PER3: variants seen among roughly 807,000 people sequenced by gnomAD.
PER3 encodes the protein period circadian protein homolog 3.
In PER3, 107 loss-of-function variants were observed where a neutral mutation model predicts 127.2. The observed-to-expected ratio is 0.84, with a 90% CI of 0.72 to 0.99. The LOEUF is 0.99. Ranked by LOEUF, PER3 falls within the 50% of genes least tolerant of loss-of-function variation. The probability of loss-of-function intolerance (pLI) is 0.00; values close to 1 mark genes in which losing one functional copy is unlikely to be tolerated. For synonymous variants in PER3, 618 were observed against 585.8 expected, an observed-to-expected ratio of 1.05 and a Z score of -0.79; for missense variants, 1,560 against 1,525.8, an observed-to-expected ratio of 1.02 and a Z score of -0.37.
chr1:7,788,354 G>A (rs2097101919), intron 5 of PER3, 108 bp downstream of exon 5: 1 of 767,994 alleles, frequency 1.3e-6, no homozygotes, highest in African/African-American at 1.8e-5. Flanking sequence ...CACACTATCT[G>A]GTTTTTCTTA....
At chr1:7,793,936 A>C in intron 5 of PER3, 21 bp from the exon 6 acceptor site, 1 of 1,608,362 alleles carries the variant, frequency 6.2e-7, no homozygotes, top group Non-Finnish European at 8.5e-7. Flanking sequence ...GGAGTGACTG[A>C]CCAGGCATCT....
At chr1:7,819,167 A>G (rs770541634) in intron 13 of PER3, 118 bp from the exon 14 acceptor site, 12 of 779,596 alleles carry the variant, frequency 1.5e-5, no homozygotes, top group African/African-American at 3.5e-5. Flanking sequence ...TAATAGCCGC[A>G]TGATATTCTG....
intron 5 of PER3, among the ~76,000 whole-genome samples, chr1:7,788,788 C>A (rs543226233): frequency 1.3e-5 from 2 of 152,124 alleles, no homozygotes; most frequent in African/African-American, 4.8e-5. Flanking sequence ...CCTGTAATCC[C>A]AGCTACTCAG....
Position 7,819,268 on chromosome 1 carries a change from C to G in PER3, c.1523-17C>G. 1 of 1,608,810 alleles carries G rather than the reference C, an allele frequency of 6.2e-7. No homozygotes were observed. The highest frequency in any genetic ancestry group is 8.5e-7 in the Non-Finnish European group (1 of 1,176,714). On this transcript the variant is annotated splice_polypyrimidine_tract_variant and intron_variant, in intron 13 of 21. Transcript: ENST00000377532. ...TGCTGGGTACTTTTAATTGCACATC[C>G]CTTTATTCTGTTTCAGGTGAATGTA...
Position 7,844,069 on chromosome 1 carries a change from G to T in PER3, c.*1314G>T, listed in dbSNP as rs569385726. 45 of 765,404 alleles carry T rather than the reference G, an allele frequency of 5.9e-5. No individual in the cohort carries two copies. In the African/African-American group the frequency reaches 8.2e-4, roughly 14 times the overall value. 47.4% of individuals were successfully genotyped at this position (765,404 alleles called of 1,614,324 possible). A position where few individuals can be genotyped will look rare whatever the true frequency, so the allele number is the denominator to read the frequency against. ...CTTTTTTTGTTTTTGGTTTTTTATG[G>T]TTTTTTAAGGAAAATACTTTTCTCC... On this transcript the variant is annotated 3_prime_UTR_variant, in exon 22 of 22. Coordinates refer to ENST00000377532, the MANE Select transcript of PER3 (RefSeq NM_001377275.1).
At chr1:7,802,326 G>A (rs1410238616) in intron 8 of PER3, among the ~76,000 whole-genome samples, 1 of 151,932 alleles carries the variant, frequency 6.6e-6, no homozygotes, top group Admixed American at 6.6e-5. Context: ...GCAGTGGTGC[G>A]GTCTTGGCTC....
rs35962033 is a variant in PER3, at chr1:7,812,624, C to CAAAAAAAAAAA, written c.1522+2051_1522+2061dup. Among the ~76,000 whole-genome samples, 291 of 85,394 alleles carry CAAAAAAAAAAA rather than the reference C, an allele frequency of 3.4e-3. 7 individuals carry two copies. The highest frequency in any genetic ancestry group is 0.015 in the African/African-American group (282 of 19,090). The allele number at this position is 85,394 out of a possible 152,430, so 56.0% of individuals were successfully genotyped here. A position where few individuals can be genotyped will look rare whatever the true frequency, so the allele number is the denominator to read the frequency against. ...TGGGCAACAGAGCAAGACTCCGTCT[C>CAAAAAAAAAAA]AAAAAAAAAAAAAAAAAAAAAAAAA... On this transcript the variant is annotated intron_variant, in intron 13 of 21. Transcript: ENST00000377532.
chr1:7,794,444 G>A (rs1047093635), intron 6 of PER3, among the ~76,000 whole-genome samples: 1 of 152,124 alleles, frequency 6.6e-6, no homozygotes, highest in Admixed American at 6.6e-5. Context: ...AGTGAGCTGA[G>A]ATGGCGCCAT....
At chr1:7,807,521 A>T (rs1240603762) in intron 10 of PER3, among the ~76,000 whole-genome samples, 1 of 152,168 alleles carries the variant, frequency 6.6e-6, no homozygotes, top group African/African-American at 2.4e-5. Context: ...AGGCTGGCAT[A>T]ATGGAAAAAG....
chr1:7,829,701 C>A, intron 18 of PER3, 133 bp from the exon 19 acceptor site: 1 of 690,890 alleles, frequency 1.4e-6, no homozygotes, highest in Non-Finnish European at 2.4e-6. Flanking sequence ...TGGAATTTTC[C>A]ATTTACTATT....
At chr1:7,807,568 CA>C (rs2150794013) in intron 10 of PER3, among the ~76,000 whole-genome samples, 1 of 152,318 alleles carries the variant, frequency 6.6e-6, no homozygotes, top group South Asian at 2.1e-4. Context: ...TAGGCGGATT[CA>C]AATCCTAACT....
intron 21 of PER3, among the ~76,000 whole-genome samples, chr1:7,842,407 A>G (rs138944894): frequency 0.014 from 2,071 of 152,014 alleles, 49 homozygotes; most frequent in African/African-American, 0.047. Flanking sequence ...GGCTGAGGCA[A>G]GAGAATCGCT....
At position 7,837,100 on chromosome 1, in the gene PER3, T is replaced by G. The variant is rs1177859606; in HGVS notation, c.3500T>G (p.Val1167Gly). 2 of 1,613,804 alleles carry G rather than the reference T, an allele frequency of 1.2e-6. No homozygotes were observed. Among genetic ancestry groups the G allele is most frequent in the East Asian group, 4.5e-5 (2 of 44,874 alleles). ...GGGCAAAAGGAGGAGCTGGCTAAGG[T>G]GTATAATTGGATTCAAAGCCAGACT... ...SHGQKEELAKVYNWIQSQTVT... is the reference protein window; with the variant it reads ...SHGQKEELAKGYNWIQSQTVT... Residue 1167 changes from valine (V) to glycine (G), a missense_variant, in exon 21 of 22, where the codon GTG becomes GGG. Physicochemically the swap from Val to Gly is moderately radical, Grantham distance 109. Coordinates refer to ENST00000377532, the MANE Select transcript of PER3 (RefSeq NM_001377275.1).
chr1:7,827,764 C>A lies in PER3; in HGVS notation c.2835C>A (p.Pro945=). ...TACTTCAGGAAGAGATGCCCAGACC[C>A]TCTGAATCTCCAGATCAGATGAGAA... ...LNLLQEEMPR[P]SESPDQMRRN... Residue 945 remains proline, a synonymous_variant, in exon 18 of 22, where the codon CCC becomes CCA. Coordinates refer to ENST00000377532, the MANE Select transcript of PER3 (RefSeq NM_001377275.1). The A allele has an allele frequency of 1.2e-6, 2 of 1,614,036 alleles. No individual in the cohort carries two copies. The highest frequency in any genetic ancestry group is 1.3e-5 in the African/African-American group (1 of 75,050).
intron 18 of PER3, 29 bp from the exon 19 acceptor site, chr1:7,829,805 G>C: frequency 6.4e-7 from 1 of 1,551,478 alleles, no homozygotes; most frequent in Non-Finnish European, 8.9e-7. Flanking sequence ...GAAGATTAAA[G>C]TGTCTTTTCA....
intron 16 of PER3, among the ~76,000 whole-genome samples, chr1:7,821,232 C>T (rs1472093274): frequency 1.3e-5 from 2 of 152,314 alleles, no homozygotes; most frequent in Non-Finnish European, 1.5e-5. Flanking sequence ...GTGACAAATA[C>T]GTTAAATTGG....
At chr1:7,792,306 T>TATCA (rs368646357) in intron 5 of PER3, among the ~76,000 whole-genome samples, 21 of 152,084 alleles carry the variant, frequency 1.4e-4, no homozygotes, top group African/African-American at 4.8e-4. Context: ...GAGAACTCAC[T>TATCA]ATCACGAGAA....
intron 10 of PER3, among the ~76,000 whole-genome samples, chr1:7,806,837 T>A (rs1352682467): frequency 9.0e-5 from 8 of 88,664 alleles, no homozygotes; most frequent in South Asian, 4.4e-4. Context: ...ATATATATAT[T>A]ACATACACAC....
In PER3 at chr1:7,832,366, C is replaced by CT. The variant is rs33933452; in HGVS notation, c.3214+2226dup. ...GTTTTTTATTTTATTGATTTATGCT[C>CT]TTTTTTTTTTTTTTTTTTTTTCCCT... On this transcript the variant is annotated intron_variant, in intron 19 of 21. Transcript: ENST00000377532. 2.0e-3 allele frequency among the ~76,000 whole-genome samples: 169 copies of CT among 85,832 alleles called. 1 individual carries two copies. The highest frequency in any genetic ancestry group is 9.4e-3 in the Middle Eastern group (1 of 106). 56.3% of individuals were successfully genotyped at this position (85,832 alleles called of 152,430 possible).
Sources: gnomAD v4.1 joint callset for allele counts (sites outside exome capture counted in the v4.1 genomes callset) on GRCh38, gnomAD v4.1.1 for gene constraint, MANE v1.5 for transcripts, NCBI Gene and HGNC (gene_info 2026-07-23, HGNC 2026-07-21) for gene names.